The following FRAS1 variants were observed in gnomAD, a reference collection of about 807,000 sequenced individuals.
The protein encoded by FRAS1 is Fraser extracellular matrix complex subunit 1.
In FRAS1, 290 loss-of-function variants were observed where a neutral mutation model predicts 435.2. That is an observed-to-expected ratio of 0.67 (90% CI 0.61 to 0.73). FRAS1 has a LOEUF of 0.73. FRAS1 is among the 30% of genes least tolerant of loss of function. FRAS1 has a pLI of 0.00. For missense variants in FRAS1, 4,860 were observed against 5,001.5 expected, an observed-to-expected ratio of 0.97 and a Z score of 0.85; for synonymous variants, 1,800 against 1,851.0, an observed-to-expected ratio of 0.97 and a Z score of 0.71.
intron 2 of FRAS1, among the ~76,000 whole-genome samples, chr4:78,119,635 G>C (rs183213177): frequency 2.7e-3 from 413 of 152,264 alleles, no homozygotes; most frequent in Admixed American, 3.9e-3. Flanking sequence ...ATTGTGAATA[G>C]TGCTGCAAAA....
intron 1 of FRAS1, among the ~76,000 whole-genome samples, chr4:78,059,960 T>C (rs1739681426): frequency 6.6e-6 from 1 of 152,024 alleles, no homozygotes; most frequent in South Asian, 2.1e-4. Flanking sequence ...TGCTTCTTAT[T>C]GTTTGACTTT....
chr4:78,208,094 A>C (rs1020476316), intron 2 of FRAS1, among the ~76,000 whole-genome samples: 1 of 152,124 alleles, frequency 6.6e-6, no homozygotes, highest in African/African-American at 2.4e-5. Flanking sequence ...CAGCTGAGAG[A>C]CCTACAGACG....
In FRAS1 at chr4:78,482,426, G is replaced by A. The variant is rs749014065; in HGVS notation, c.8643G>A (p.Pro2881=). The change falls in exon 58 of 74, where the codon CCG becomes CCA. Residue 2881 remains proline, a synonymous_variant. Coordinates refer to ENST00000512123, the MANE Select transcript of FRAS1 (RefSeq NM_025074.7). The part of the protein sequence containing the change: ...TLTILDDTQY[P]VIEGLETFVV... The stretch of plus-strand genomic sequence containing the variant: ...CTATCTTGGATGACACTCAGTATCC[G>A]GTAATTGAAGGACTGGAGACATTTG... 1.5e-5 allele frequency: 24 copies of A among 1,613,706 alleles called. No homozygotes were observed. Among genetic ancestry groups the A allele is most frequent in the Middle Eastern group, 1.6e-4 (1 of 6,080 alleles).
At chr4:78,429,514 G>A (rs746861758) in intron 36 of FRAS1, among the ~76,000 whole-genome samples, 4 of 152,146 alleles carry the variant, frequency 2.6e-5, no homozygotes, top group African/African-American at 7.2e-5. Context: ...ATAGAGCGGC[G>A]AGAAGAACAT....
chr4:78,125,976 C>A (rs182339988), intron 2 of FRAS1, among the ~76,000 whole-genome samples: 2 of 152,208 alleles, frequency 1.3e-5, no homozygotes, highest in African/African-American at 4.8e-5. Flanking sequence ...CAGATATGCC[C>A]TGCCCCCAGA....
rs78537685 is a variant in FRAS1 at position 78,446,890 on chromosome 4, G to A, written c.6010+10G>A. 7,920 of 1,596,008 alleles carry A rather than the reference G, an allele frequency of 5.0e-3. 323 individuals carry two copies. The African/African-American group carries it at 0.09, about 18-fold the overall frequency. The stretch of plus-strand genomic sequence containing the variant: ...AAAAAGCCTGACCACGGTAGGGCAC[G>A]AACTGCTATGAAAAGCTTCTTAATT... On this transcript the variant is annotated intron_variant, in intron 43 of 73. Transcript: ENST00000512123.
In FRAS1 at chr4:78,412,985, A is replaced by C. The variant is rs1221353467; in HGVS notation, c.4325A>C (p.Asn1442Thr). ...SFRFEVSSASNAQTRLESHMF... is the reference protein window; with the variant it reads ...SFRFEVSSASTAQTRLESHMF... ...TCTTTTCAGGTGTCCAGTGCCTCCA[A>C]TGCCCAGACCCGCCTGGAGAGCCAC... is the stretch of plus-strand genomic sequence containing the variant. The change falls in exon 32 of 74, where the codon AAT becomes ACT. Residue 1442 changes from asparagine to threonine, a missense_variant. Coordinates refer to ENST00000512123, the MANE Select transcript of FRAS1 (RefSeq NM_025074.7). 2.5e-6 allele frequency: 4 copies of C among 1,605,204 alleles called. No individual in the cohort carries two copies. Among genetic ancestry groups the C allele is most frequent in the African/African-American group, 1.3e-5 (1 of 74,450 alleles).
chr4:78,147,067 C>T (rs919910974), intron 2 of FRAS1, among the ~76,000 whole-genome samples: 2 of 152,054 alleles, frequency 1.3e-5, no homozygotes, highest in South Asian at 2.1e-4. Flanking sequence ...CTGCCCCTTT[C>T]CTGGATGTTT....
intron 38 of FRAS1, among the ~76,000 whole-genome samples, chr4:78,433,295 C>T (rs1734284966): frequency 6.6e-6 from 1 of 152,168 alleles, no homozygotes; most frequent in Non-Finnish European, 1.5e-5. Context: ...TTTTATTTTA[C>T]AGTTATGTAT....
chr4:78,279,075 TG>T (rs1331252262), intron 10 of FRAS1, among the ~76,000 whole-genome samples: 1 of 152,098 alleles, frequency 6.6e-6, no homozygotes, highest in African/African-American at 2.4e-5. Flanking sequence ...TGGTGGGGTG[TG>T]GGGGATGTGT....
chr4:78,405,132 T>C (rs1015152893), intron 30 of FRAS1, among the ~76,000 whole-genome samples: 15 of 152,216 alleles, frequency 9.9e-5, no homozygotes, highest in African/African-American at 3.6e-4. Flanking sequence ...TGTTAATCTG[T>C]ATGACATGAA....
chr4:78,123,446 TCATGGCTATGCAGGCTCTTTTTTGGTTC>T (rs1719147093), intron 2 of FRAS1, among the ~76,000 whole-genome samples: 1 of 152,158 alleles, frequency 6.6e-6, no homozygotes, highest in Non-Finnish European at 1.5e-5. Flanking sequence ...CCCAGGATTG[TCATGGCTATGCAGGCTCTTTTTTGGTTC>T]CATATGAAGT....
intron 72 of FRAS1, among the ~76,000 whole-genome samples, 168 bp downstream of exon 72, chr4:78,537,368 A>G (rs17471139): frequency 0.15 from 23,490 of 152,288 alleles, 2,040 homozygotes; most frequent in Non-Finnish European, 0.21. Flanking sequence ...CATAGGTGGT[A>G]GTTACGATGA....
At chr4:78,232,608 G>T (rs531400424) in intron 2 of FRAS1, among the ~76,000 whole-genome samples, 275 of 152,170 alleles carry the variant, frequency 1.8e-3, no homozygotes, top group Non-Finnish European at 3.1e-3. Flanking sequence ...TTTTTGATAG[G>T]TCCAATACCT....
chr4:78,213,129 GAGA>G (rs1351018590), intron 2 of FRAS1, among the ~76,000 whole-genome samples: 4 of 152,332 alleles, frequency 2.6e-5, no homozygotes, highest in East Asian at 3.9e-4. Flanking sequence ...TGGCAGCTGG[GAGA>G]AGAAGGAGTA....
intron 59 of FRAS1, among the ~76,000 whole-genome samples, 154 bp downstream of exon 59, chr4:78,489,234 A>G (rs1188792317): frequency 6.6e-6 from 1 of 152,206 alleles, no homozygotes; most frequent in African/African-American, 2.4e-5. Flanking sequence ...CCAACTCCCC[A>G]CACAGTTGAA....
At chr4:78,225,679 C>G (rs186851195) in intron 2 of FRAS1, among the ~76,000 whole-genome samples, 2 of 152,282 alleles carry the variant, frequency 1.3e-5, no homozygotes, top group East Asian at 3.9e-4. Flanking sequence ...TGTGATAGAT[C>G]CTCAGTAAAT....
intron 2 of FRAS1, among the ~76,000 whole-genome samples, chr4:78,094,081 T>A (rs932791627): frequency 6.7e-6 from 1 of 148,690 alleles, no homozygotes; most frequent in East Asian, 2.0e-4. Flanking sequence ...AAAGAGTAGG[T>A]AAAATTATTT....
At chr4:78,423,570 T>C (rs1004124019) in intron 34 of FRAS1, among the ~76,000 whole-genome samples, 2 of 152,264 alleles carry the variant, frequency 1.3e-5, no homozygotes, top group Admixed American at 1.3e-4. Flanking sequence ...TTTCTTATGG[T>C]GAGTTGAACA....
Sources: allele counts gnomAD v4.1 joint callset (sites outside exome capture counted in the v4.1 genomes callset), GRCh38; gene constraint gnomAD v4.1.1; transcripts MANE v1.5; gene names NCBI Gene and HGNC (gene_info 2026-07-23, HGNC 2026-07-21).